The following LINGO2 variants were observed in gnomAD, a reference collection of about 807,000 sequenced individuals.
LINGO2 encodes the protein leucine-rich repeat and immunoglobulin-like domain-containing nogo receptor-interacting protein 2.
LINGO2 carries 14 observed loss-of-function variants against 30.6 expected under a neutral mutation model. The observed-to-expected ratio is 0.46, with a 90% CI of 0.30 to 0.72. The LOEUF is 0.72. Ranked by LOEUF, LINGO2 falls within the 30% of genes least tolerant of loss-of-function variation. LINGO2 has a pLI of 0.07. For missense variants in LINGO2, 729 were observed against 751.7 expected, an observed-to-expected ratio of 0.97 and a Z score of 0.35; for synonymous variants, 317 against 288.5, an observed-to-expected ratio of 1.10 and a Z score of -1.00.
At chr9:29,085,487 T>G in the LINGO2 span, among the ~76,000 whole-genome samples, 1 of 151,704 alleles carries the variant, frequency 6.6e-6, no homozygotes, top group Non-Finnish European at 1.5e-5. Flanking sequence ...ATCACCTTCC[T>G]CCAATTATTC....
At chr9:28,138,572 A>G (rs1249353754) in intron 4 of LINGO2, among the ~76,000 whole-genome samples, 1 of 152,214 alleles carries the variant, frequency 6.6e-6, no homozygotes, top group African/African-American at 2.4e-5. Flanking sequence ...CTTTGATTAA[A>G]GAATTATAGC....
intron 5 of LINGO2, 64 bp from the exon 7 acceptor site, chr9:27,950,770 G>A (rs1819267535): frequency 4.7e-6 from 4 of 849,566 alleles, no homozygotes; most frequent in South Asian, 3.7e-5. Flanking sequence ...TAGGTGAAGG[G>A]GCATAAATAG....
At chr9:28,991,076 G>A in the LINGO2 span, among the ~76,000 whole-genome samples, 2 of 152,172 alleles carry the variant, frequency 1.3e-5, no homozygotes, top group African/African-American at 2.4e-5. Context: ...CGAGCTACAG[G>A]AGGAAATTCA....
intron 1 of LINGO2, among the ~76,000 whole-genome samples, chr9:28,604,053 A>G (rs1376915500): frequency 6.6e-6 from 1 of 151,948 alleles, no homozygotes; most frequent in African/African-American, 2.4e-5. Flanking sequence ...TGAATATTAA[A>G]CCATGCAAAT....
Position 28,147,684 on chromosome 9 carries a change from C to A in LINGO2, c.-86-135279G>T, listed in dbSNP as rs1480928934. On this transcript the variant is annotated intron_variant, in intron 4 of 5. Coordinates refer to ENST00000379992, the Ensembl canonical transcript of LINGO2. The surrounding 1 kb of genome is among the most constrained non-coding windows in gnomAD (Gnocchi z 4.7). Reference sequence around the variant, plus strand: ...CTCTGGCGGATCAGCCCCGCACCCCCAACAGCCCCACGGGGGGGCCCGTCC... The same window carrying A: ...CTCTGGCGGATCAGCCCCGCACCCCAAACAGCCCCACGGGGGGGCCCGTCC... Among the ~76,000 whole-genome samples, 3 of 152,172 alleles carry A rather than the reference C, an allele frequency of 2.0e-5. No homozygotes were observed. Among genetic ancestry groups the A allele is most frequent in the Non-Finnish European group, 4.4e-5 (3 of 68,024 alleles).
intron 5 of LINGO2, among the ~76,000 whole-genome samples, chr9:27,992,929 T>C (rs113743286): frequency 3.3e-5 from 5 of 152,110 alleles, no homozygotes; most frequent in Non-Finnish European, 7.4e-5. Context: ...CCAATCCCAA[T>C]ACCACTGAAA....
intron 5 of LINGO2, among the ~76,000 whole-genome samples, chr9:28,007,256 C>T (rs1822312426): frequency 6.6e-6 from 1 of 152,046 alleles, no homozygotes; most frequent in Non-Finnish European, 1.5e-5. Context: ...GAAGTGGCGC[C>T]AAACCCAGGA....
intron 1 of LINGO2, among the ~76,000 whole-genome samples, chr9:28,553,468 A>C (rs1822430489): frequency 1.3e-5 from 2 of 152,088 alleles, no homozygotes; most frequent in South Asian, 4.1e-4. Flanking sequence ...AAAAGAAACG[A>C]GCAAAGTCTC....
At chr9:27,999,899 A>T (rs1821862586) in intron 5 of LINGO2, among the ~76,000 whole-genome samples, 1 of 152,156 alleles carries the variant, frequency 6.6e-6, no homozygotes, top group Non-Finnish European at 1.5e-5. Flanking sequence ...GCACCAACCT[A>T]ATAAAAGGCA....
intron 4 of LINGO2, among the ~76,000 whole-genome samples, chr9:28,125,752 C>A (rs1827218919): frequency 6.6e-6 from 1 of 152,146 alleles, no homozygotes; most frequent in African/African-American, 2.4e-5. Flanking sequence ...GAGCTGAGCC[C>A]ATGAAACTAA....
At chr9:28,742,889 G>C in the LINGO2 span, among the ~76,000 whole-genome samples, 1 of 151,690 alleles carries the variant, frequency 6.6e-6, no homozygotes, top group Non-Finnish European at 1.5e-5. Flanking sequence ...TTTGTTATAG[G>C]ACCAATAATT....
the LINGO2 span, among the ~76,000 whole-genome samples, chr9:28,942,518 C>T: frequency 6.6e-6 from 1 of 152,164 alleles, no homozygotes; most frequent in Non-Finnish European, 1.5e-5. Context: ...CCCTTCTTTG[C>T]CACTAACTAG....
At chr9:27,976,951 A>G (rs1820626059) in intron 5 of LINGO2, among the ~76,000 whole-genome samples, 1 of 152,010 alleles carries the variant, frequency 6.6e-6, no homozygotes, top group Non-Finnish European at 1.5e-5. Flanking sequence ...GTTTGTTTCT[A>G]AATACATAAA....
chr9:28,714,164 A>AATCTATCTATCTATATATATATAT, the LINGO2 span, among the ~76,000 whole-genome samples: 1 of 117,158 alleles, frequency 8.5e-6, no homozygotes, highest in African/African-American at 3.3e-5. Flanking sequence ...TGCCTCAAAT[A>AATCTATCTATCTATATATATATAT]ATATATATAT....
chr9:28,888,519 T>A, the LINGO2 span, among the ~76,000 whole-genome samples: 3 of 152,240 alleles, frequency 2.0e-5, no homozygotes, highest in East Asian at 3.9e-4. Flanking sequence ...GGAATACATA[T>A]GATTTTTAAT....
chr9:28,894,554 TTTA>T, the LINGO2 span, among the ~76,000 whole-genome samples: 1 of 151,938 alleles, frequency 6.6e-6, no homozygotes, highest in South Asian at 2.1e-4. Context: ...TCTTTTTTAG[TTTA>T]TTTTTTACTT....
At chr9:28,922,866 T>C in the LINGO2 span, among the ~76,000 whole-genome samples, 1 of 152,148 alleles carries the variant, frequency 6.6e-6, no homozygotes, top group African/African-American at 2.4e-5. Context: ...GCAAATGTTA[T>C]TGAGAATCTT....
chr9:28,134,819 T>C (rs1053587479), intron 4 of LINGO2, among the ~76,000 whole-genome samples: 2 of 152,244 alleles, frequency 1.3e-5, no homozygotes, highest in African/African-American at 4.8e-5. Context: ...TTTCCGTTTA[T>C]GACAACGGCA....
chr9:29,056,093 T>C, the LINGO2 span, among the ~76,000 whole-genome samples: 1 of 151,992 alleles, frequency 6.6e-6, no homozygotes, highest in African/African-American at 2.4e-5. Flanking sequence ...CAAGTATCTA[T>C]TTCGTATAAT....
Sources: gnomAD v4.1 joint callset for allele counts (sites outside exome capture counted in the v4.1 genomes callset) on GRCh38, gnomAD v4.1.1 for gene constraint, Gnocchi (gnomAD v3.1) non-coding constraint, MANE v1.5 for transcripts, NCBI Gene and HGNC (gene_info 2026-07-23, HGNC 2026-07-21) for gene names.